The following PAPPA2 variants were observed in gnomAD, a reference collection of about 807,000 sequenced individuals.
The protein encoded by PAPPA2 is pappalysin-2.
Under a neutral mutation model 176.4 loss-of-function variants are expected in PAPPA2, and 86 were observed. The observed-to-expected ratio is 0.49, with a 90% CI of 0.41 to 0.58. The LOEUF (loss-of-function observed/expected upper bound fraction) is 0.58, where lower values mean the gene tolerates loss of function less well. Ranked by LOEUF, PAPPA2 falls within the 20% of genes least tolerant of loss-of-function variation. The pLI, the probability that PAPPA2 is intolerant of heterozygous loss-of-function variation, is 0.00. For missense variants in PAPPA2, 2,073 were observed against 2,256.9 expected (o/e 0.92, Z 1.65); for synonymous variants, 809 against 852.2 (o/e 0.95, Z 0.88).
At chr1:176,521,669 GA>G (rs1227740497) in intron 1 of PAPPA2, among the ~76,000 whole-genome samples, 1 of 152,186 alleles carries the variant, frequency 6.6e-6, no homozygotes, top group African/African-American at 2.4e-5. Context: ...TTTGGCAAGG[GA>G]ATGGCAGGAC....
Position 176,739,657 on chromosome 1 carries a change from C to G in PAPPA2, c.3830C>G (p.Ala1277Gly), listed in dbSNP as rs774497756. Residue 1277 changes from alanine (A) to glycine (G), a missense_variant, in exon 13 of 23, where the codon GCA (alanine) becomes GGA (glycine). By Grantham distance (60) the Ala-to-Gly change is moderately conservative. Coordinates refer to ENST00000367662, the MANE Select transcript of PAPPA2 (RefSeq NM_020318.3). ...VCFNRPGEAR[A>G]IFIFLTTDGL... ...TTCAATAGACCAGGAGAGGCCAGAG[C>G]AATTTTTATTTTTTTGACAACTGAT... 1 of 1,613,580 alleles carries G rather than the reference C, an allele frequency of 6.2e-7. No individual in the cohort carries two copies.
intron 21 of PAPPA2, among the ~76,000 whole-genome samples, chr1:176,831,000 T>C (rs568878599): frequency 7.2e-5 from 11 of 152,252 alleles, no homozygotes; most frequent in Non-Finnish European, 1.0e-4. Context: ...GACAAATGAA[T>C]TGTACAGGAT....
At chr1:176,546,469 A>G (rs1355036028) in intron 1 of PAPPA2, among the ~76,000 whole-genome samples, 1 of 152,218 alleles carries the variant, frequency 6.6e-6, no homozygotes, top group African/African-American at 2.4e-5. Context: ...AGTCAAAAAA[A>G]ATAGTCAAAA....
intron 2 of PAPPA2, among the ~76,000 whole-genome samples, chr1:176,566,828 C>T (rs776282506): frequency 2.6e-5 from 4 of 152,102 alleles, no homozygotes; most frequent in Non-Finnish European, 4.4e-5. Flanking sequence ...CTCCTCTTTC[C>T]TCTTCCAATC....
intron 1 of PAPPA2, among the ~76,000 whole-genome samples, chr1:176,467,839 G>A (rs912156007): frequency 6.6e-6 from 1 of 152,304 alleles, no homozygotes; most frequent in East Asian, 1.9e-4. Context: ...ATGAGTATTT[G>A]TGGAGCCACT....
intron 1 of PAPPA2, among the ~76,000 whole-genome samples, chr1:176,555,143 G>A (rs543391895): frequency 6.6e-6 from 1 of 152,282 alleles, no homozygotes; most frequent in African/African-American, 2.4e-5. Flanking sequence ...CAAGAGTAGC[G>A]TCTGTCCCCT....
chr1:176,503,297 T>C (rs1648069935), intron 1 of PAPPA2, among the ~76,000 whole-genome samples: 1 of 152,180 alleles, frequency 6.6e-6, no homozygotes, highest in Non-Finnish European at 1.5e-5. Context: ...ACTTCCACTT[T>C]AGAGAACCCT....
intron 1 of PAPPA2, among the ~76,000 whole-genome samples, chr1:176,466,961 CCAA>C (rs1651652678): frequency 6.6e-6 from 1 of 152,088 alleles, no homozygotes; most frequent in Admixed American, 6.5e-5. Context: ...TATGGGAGGT[CCAA>C]CCCTTCTGCG....
intron 21 of PAPPA2, among the ~76,000 whole-genome samples, chr1:176,814,965 C>G (rs1268000438): frequency 6.6e-6 from 1 of 152,150 alleles, no homozygotes; most frequent in East Asian, 1.9e-4. Context: ...TCCTTCAATA[C>G]CTAGTTTATG....
At chr1:176,805,940 A>G (rs185324693) in intron 21 of PAPPA2, among the ~76,000 whole-genome samples, 3 of 143,712 alleles carry the variant, frequency 2.1e-5, no homozygotes, top group African/African-American at 7.8e-5. Context: ...GTGAACTATG[A>G]TCATGCCACT....
intron 1 of PAPPA2, among the ~76,000 whole-genome samples, chr1:176,522,581 T>C (rs1287069546): frequency 1.3e-5 from 2 of 152,224 alleles, no homozygotes; most frequent in Non-Finnish European, 2.9e-5. Context: ...TCTTCCACTC[T>C]CTGCCCTACT....
intron 12 of PAPPA2, among the ~76,000 whole-genome samples, chr1:176,724,867 G>T (rs1341762797): frequency 6.6e-6 from 1 of 152,132 alleles, no homozygotes; most frequent in Non-Finnish European, 1.5e-5. Context: ...CTAGAGATAT[G>T]ATTTTTCTCA....
intron 4 of PAPPA2, among the ~76,000 whole-genome samples, chr1:176,673,748 G>A (rs533770199): frequency 1.3e-5 from 2 of 152,170 alleles, no homozygotes; most frequent in South Asian, 2.1e-4. Context: ...ACTGGCTAAG[G>A]CAACAAGGAC....
intron 1 of PAPPA2, among the ~76,000 whole-genome samples, chr1:176,488,783 C>T (rs989703789): frequency 5.3e-5 from 8 of 152,154 alleles, no homozygotes; most frequent in Non-Finnish European, 1.0e-4. Context: ...CTCTCCCCCA[C>T]TTCCTCCTTG....
chr1:176,616,278 C>T (rs773874169), intron 3 of PAPPA2: 13 of 501,106 alleles, frequency 2.6e-5, no homozygotes, highest in Admixed American at 9.5e-5. Context: ...TTATTGAATG[C>T]AACAGTTGTT....
chr1:176,769,717 C>A lies in PAPPA2; in HGVS notation c.4434C>A (p.Ser1478=), dbSNP rs377280217. Reference sequence around the variant, plus strand: ...CTTTGGTGAACTATGCAAACTTCTCCTGCTCAGAGGGAACCAAATTTCTGA... The same window carrying A: ...CTTTGGTGAACTATGCAAACTTCTCATGCTCAGAGGGAACCAAATTTCTGA... The part of the protein sequence containing the change: ...DPSLVNYANF[S]CSEGTKFLKR... Residue 1478 remains serine, a synonymous_variant, in exon 16 of 23, where the codon TCC becomes TCA. Transcript: ENST00000367662. 1.2e-5 allele frequency: 19 copies of A among 1,613,818 alleles called. No homozygotes were observed. The African/African-American group carries it at 2.5e-4, about 22-fold the overall frequency.
chr1:176,702,598 T>C lies in PAPPA2; in HGVS notation c.3237-9T>C, dbSNP rs748776782. 2.5e-6 allele frequency: 4 copies of C among 1,613,740 alleles called. No individual in the cohort carries two copies. Among genetic ancestry groups the C allele is most frequent in the Non-Finnish European group, 2.5e-6 (3 of 1,179,762 alleles). On this transcript the variant is annotated splice_polypyrimidine_tract_variant and intron_variant, in intron 8 of 22. Coordinates refer to ENST00000367662, the MANE Select transcript of PAPPA2 (RefSeq NM_020318.3). ...GCTGTAGTGGTCACAAACCCTTTGG[T>C]TTCCACAGGGAGGTCACACCTGGAC...
chr1:176,532,406 C>T (rs1236004693), intron 1 of PAPPA2, among the ~76,000 whole-genome samples: 1 of 152,158 alleles, frequency 6.6e-6, no homozygotes, highest in Non-Finnish European at 1.5e-5. Flanking sequence ...AATCTGCGTC[C>T]AGGTAATGTG....
chr1:176,570,488 G>A (rs1652256885), intron 2 of PAPPA2, among the ~76,000 whole-genome samples: 1 of 152,120 alleles, frequency 6.6e-6, no homozygotes, highest in Non-Finnish European at 1.5e-5. Context: ...AACCACAGCA[G>A]AGCTCTATTT....
Sources: allele counts gnomAD v4.1 joint callset (sites outside exome capture counted in the v4.1 genomes callset), GRCh38; gene constraint gnomAD v4.1.1; transcripts MANE v1.5; gene names NCBI Gene and HGNC (gene_info 2026-07-23, HGNC 2026-07-21).